The following FAM43A variants were observed in gnomAD, a reference collection of about 807,000 sequenced individuals.
FAM43A encodes family with sequence similarity 43 member A.
Under a neutral mutation model 15.7 loss-of-function variants are expected in FAM43A, and 11 were observed. The observed-to-expected ratio is 0.70, with a 90% CI of 0.44 to 1.16. FAM43A has a LOEUF of 1.16. Among genes scored for constraint, FAM43A ranks in the 50% most tolerant of loss-of-function variants. The pLI is 0.00. For synonymous variants in FAM43A, 319 were observed against 291.7 expected (o/e 1.09, Z -0.96); for missense variants, 573 against 620.0 (o/e 0.92, Z 0.80).
chr3:194,687,722 A>G lies in FAM43A; in HGVS notation c.896A>G (p.Gln299Arg). ...CCAGCAGAGGAGGAGGCCGAGGCGC[A>G]GCGTGCGCTAGTGGTCGCCATGCAC... is the stretch of plus-strand genomic sequence containing the variant. ...GDPAEEEAEA[Q>R]RALVVAMHFE... Residue 299 changes from glutamine (Q) to arginine (R), a missense_variant, in exon 1 of 1, where the codon CAG (glutamine) becomes CGG (arginine). By Grantham distance (43) the Gln-to-Arg change is conservative. Coordinates refer to ENST00000329759, the MANE Select transcript of FAM43A (RefSeq NM_153690.5). The G allele has an allele frequency of 1.9e-6, 3 of 1,559,752 alleles. No homozygotes were observed. The highest frequency in any genetic ancestry group is 2.4e-5 in the East Asian group (1 of 42,100).
chr3:194,686,686 C>A lies in FAM43A; in HGVS notation c.-141C>A. On this transcript the variant is annotated 5_prime_UTR_variant, in exon 1 of 1. Coordinates refer to ENST00000329759, the MANE Select transcript of FAM43A (RefSeq NM_153690.5). Reference sequence around the variant, plus strand: ...TCTCTCTGCTCCCCTCCCCCCAACTCCCTACCACAGGGCCGCTCCCAGTAG... The same window carrying A: ...TCTCTCTGCTCCCCTCCCCCCAACTACCTACCACAGGGCCGCTCCCAGTAG... The A allele has an allele frequency of 1.2e-6, 1 of 813,140 alleles. No homozygotes were observed. The highest frequency in any genetic ancestry group is 1.7e-6 in the Non-Finnish European group (1 of 595,778). The allele number at this position is 813,140 out of a possible 1,614,324, so 50.4% of individuals were successfully genotyped here. A position where few individuals can be genotyped will look rare whatever the true frequency, so the allele number is the denominator to read the frequency against.
At position 194,688,662 on chromosome 3, in the gene FAM43A, A is replaced by G. The variant is rs1269466546; in HGVS notation, c.*564A>G. 2.4e-5 allele frequency: 4 copies of G among 166,414 alleles called. No individual in the cohort carries two copies. Among genetic ancestry groups the G allele is most frequent in the Non-Finnish European group, 5.9e-5 (4 of 68,066 alleles). The allele number at this position is 166,414 out of a possible 1,614,324, so 10.3% of individuals were successfully genotyped here. On this transcript the variant is annotated 3_prime_UTR_variant, in exon 1 of 1. Coordinates refer to ENST00000329759, the MANE Select transcript of FAM43A (RefSeq NM_153690.5). Reference sequence around the variant, plus strand: ...CCCTGAAATGTTGCCAAATTCTTCAAATAACTGTTTGGGGGGTGGGGGGAG... The same window carrying G: ...CCCTGAAATGTTGCCAAATTCTTCAGATAACTGTTTGGGGGGTGGGGGGAG...
Position 194,685,915 on chromosome 3 carries a change from C to T in FAM43A, c.-912C>T, listed in dbSNP as rs1265428318. ...TGAGGCAGGCGAGCCGGACGCCGCT[C>T]GCAGCACCGGAGAGGGCGCACTGCA... On this transcript the variant is annotated 5_prime_UTR_variant, in exon 1 of 1. Transcript: ENST00000329759. Among the ~76,000 whole-genome samples the T allele has an allele frequency of 1.3e-5, 2 of 152,204 alleles. No individual in the cohort carries two copies. The highest frequency in any genetic ancestry group is 2.9e-5 in the Non-Finnish European group (2 of 68,034).
In FAM43A at chr3:194,688,092, G is replaced by A. The variant is rs79296405; in HGVS notation, c.1266G>A (p.Ser422=). The part of the protein sequence containing the change: ...ADGASADEPH[S]G ...GCGCCAGTGCAGACGAGCCCCACTC[G>A]GGCTGAGCTCCTCCGCGCGTCGCCG... is the stretch of plus-strand genomic sequence containing the variant. The change falls in exon 1 of 1, where the codon TCG becomes TCA. Residue 422 remains serine, a synonymous_variant. Coordinates refer to ENST00000329759, the MANE Select transcript of FAM43A (RefSeq NM_153690.5). 5.2e-6 allele frequency: 7 copies of A among 1,349,632 alleles called. No individual in the cohort carries two copies. The highest frequency in any genetic ancestry group is 5.8e-5 in the East Asian group (2 of 34,200). The allele number at this position is 1,349,632 out of a possible 1,614,324, so 83.6% of individuals were successfully genotyped here. A position where few individuals can be genotyped will look rare whatever the true frequency, so the allele number is the denominator to read the frequency against.
chr3:194,687,269 G>C lies in FAM43A; in HGVS notation c.443G>C (p.Arg148Pro), dbSNP rs1231162093. 1 of 1,590,548 alleles carries C rather than the reference G, an allele frequency of 6.3e-7. No homozygotes were observed. The highest frequency in any genetic ancestry group is 2.3e-5 in the East Asian group (1 of 44,266). ...GTCACCTACTGCGTGGCCGACGCGC[G>C]GCTGCCCAAGGTCTTCGCCTGGGTG... ...HRVTYCVADA[R>P]LPKVFAWVYR... The change falls in exon 1 of 1, where the codon CGG becomes CCG. Residue 148 changes from arginine to proline, a missense_variant. By Grantham distance (103) the Arg-to-Pro change is moderately radical. Transcript: ENST00000329759.
chr3:194,686,911 A>C lies in FAM43A; in HGVS notation c.85A>C (p.Ser29Arg), dbSNP rs1367872584. Reference protein sequence around the residue: ...QASKPKGYAVSLHYSALSSLA... With the variant: ...QASKPKGYAVRLHYSALSSLA... ...GTCCAAGCCCAAGGGCTACGCTGTG[A>C]GCCTGCACTACTCGGCGCTCAGCTC... Residue 29 changes from serine (S) to arginine (R), a missense_variant, in exon 1 of 1, where the codon AGC (serine) becomes CGC (arginine). Transcript: ENST00000329759. 1.9e-6 allele frequency: 3 copies of C among 1,610,138 alleles called. No homozygotes were observed. Among genetic ancestry groups the C allele is most frequent in the Non-Finnish European group, 2.5e-6 (3 of 1,178,432 alleles).
Position 194,688,024 on chromosome 3 carries a change from G to T in FAM43A, c.1198G>T (p.Ala400Ser). 1 of 1,419,578 alleles carries T rather than the reference G, an allele frequency of 7.0e-7. No homozygotes were observed. Among genetic ancestry groups the T allele is most frequent in the Non-Finnish European group, 9.2e-7 (1 of 1,087,722 alleles). 87.9% of individuals were successfully genotyped at this position (1,419,578 alleles called of 1,614,324 possible). A position where few individuals can be genotyped will look rare whatever the true frequency, so the allele number is the denominator to read the frequency against. Reference protein sequence around the residue: ...ESSIEGGGPDATSATAGDSSR... With the variant: ...ESSIEGGGPDSTSATAGDSSR... ...CTCCATCGAGGGCGGGGGCCCTGAC[G>T]CCACCTCCGCCACCGCCGGGGACTC... is the stretch of plus-strand genomic sequence containing the variant. Residue 400 changes from alanine to serine, a missense_variant, in exon 1 of 1, where the codon GCC (alanine) becomes TCC (serine). By Grantham distance (99) the Ala-to-Ser change is moderately conservative. Coordinates refer to ENST00000329759, the MANE Select transcript of FAM43A (RefSeq NM_153690.5).
In FAM43A at chr3:194,687,000, C is replaced by G. The variant is rs1577267626; in HGVS notation, c.174C>G (p.Arg58=). ...TGGGCAGCATGTTCCGCTCCAAGCG[C>G]AAGAAGCTGCACATCACTAGCGAGG... ...SRVGSMFRSK[R]KKLHITSEDP... is the part of the protein sequence containing the mutation. Residue 58 remains arginine, a synonymous_variant, in exon 1 of 1, where the codon CGC becomes CGG. Coordinates refer to ENST00000329759, the MANE Select transcript of FAM43A (RefSeq NM_153690.5). The G allele has an allele frequency of 6.2e-7, 1 of 1,609,530 alleles. No homozygotes were observed. The highest frequency in any genetic ancestry group is 1.1e-5 in the South Asian group (1 of 90,904).
rs1338742357 is a variant in FAM43A at position 194,686,303 on chromosome 3, T to A, written c.-524T>A. On this transcript the variant is annotated 5_prime_UTR_variant, in exon 1 of 1. Coordinates refer to ENST00000329759, the MANE Select transcript of FAM43A (RefSeq NM_153690.5). ...AGCACCGGCCCCTAGGCACACTCGC[T>A]GTAGAGTTTCCGCGGGTTTTGGCCC... 6.6e-6 allele frequency among the ~76,000 whole-genome samples: 1 copy of A among 152,164 alleles called. No homozygotes were observed. The highest frequency in any genetic ancestry group is 6.5e-5 in the Admixed American group (1 of 15,286).
Position 194,686,893 on chromosome 3 carries a change from C to T in FAM43A, c.67C>T (p.Pro23Ser), listed in dbSNP as rs750841810. 3 of 1,607,506 alleles carry T rather than the reference C, an allele frequency of 1.9e-6. No individual in the cohort carries two copies. In the African/African-American group the frequency reaches 4.0e-5, roughly 22 times the overall value. Reference protein sequence around the residue: ...AEAPPRQASKPKGYAVSLHYS... With the variant: ...AEAPPRQASKSKGYAVSLHYS... ...GGCGCCGCCGCGGCAGGCGTCCAAG[C>T]CCAAGGGCTACGCTGTGAGCCTGCA... is the stretch of plus-strand genomic sequence containing the variant. The change falls in exon 1 of 1, where the codon CCC (proline) becomes TCC (serine). Residue 23 changes from proline (P) to serine (S), a missense_variant. Pro to Ser is a moderately conservative substitution (Grantham distance 74, BLOSUM62 -1). Coordinates refer to ENST00000329759, the MANE Select transcript of FAM43A (RefSeq NM_153690.5).
chr3:194,686,882 A>G lies in FAM43A; in HGVS notation c.56A>G (p.Gln19Arg), dbSNP rs762440304. 4 of 1,598,468 alleles carry G rather than the reference A, an allele frequency of 2.5e-6. No individual in the cohort carries two copies. The South Asian group carries it at 4.5e-5, about 18-fold the overall frequency. The change falls in exon 1 of 1, where the codon CAG becomes CGG. Residue 19 changes from glutamine to arginine, a missense_variant. Physicochemically the swap from Gln to Arg is conservative, Grantham distance 43. Coordinates refer to ENST00000329759, the MANE Select transcript of FAM43A (RefSeq NM_153690.5). ...CTGCTGGCCGAGGCGCCGCCGCGGC[A>G]GGCGTCCAAGCCCAAGGGCTACGCT... ...FELLAEAPPRQASKPKGYAVS... is the reference protein window; with the variant it reads ...FELLAEAPPRRASKPKGYAVS...
At position 194,687,479 on chromosome 3, in the gene FAM43A, C is replaced by T. The variant is rs1189754878; in HGVS notation, c.653C>T (p.Ala218Val). The change falls in exon 1 of 1, where the codon GCA becomes GTA. Residue 218 changes from alanine to valine, a missense_variant. Coordinates refer to ENST00000329759, the MANE Select transcript of FAM43A (RefSeq NM_153690.5). ...ARHQQQELVG[A>V]HTIPLVPLRK... ...CACCAGCAGCAGGAGCTGGTGGGCG[C>T]ACACACCATCCCGCTAGTGCCGCTG... The T allele has an allele frequency of 6.5e-7, 1 of 1,537,246 alleles. No individual in the cohort carries two copies. Among genetic ancestry groups the T allele is most frequent in the African/African-American group, 1.4e-5 (1 of 72,908 alleles).
rs1453188493 is a variant in FAM43A, at chr3:194,686,854, G to C, written c.28G>C (p.Glu10Gln). Residue 10 changes from glutamate to glutamine, a missense_variant, in exon 1 of 1, where the codon GAG becomes CAG. Coordinates refer to ENST00000329759, the MANE Select transcript of FAM43A (RefSeq NM_153690.5). MLPWKKHKF[E>Q]LLAEAPPRQA... ...GCTGCCGTGGAAGAAGCACAAGTTC[G>C]AGCTGCTGGCCGAGGCGCCGCCGCG... The C allele has an allele frequency of 1.9e-6, 3 of 1,595,390 alleles. No individual in the cohort carries two copies. The highest frequency in any genetic ancestry group is 1.7e-6 in the Non-Finnish European group (2 of 1,175,554).
chr3:194,687,578 G>T lies in FAM43A; in HGVS notation c.752G>T (p.Gly251Val). Residue 251 changes from glycine (G) to valine (V), a missense_variant, in exon 1 of 1, where the codon GGC becomes GTC. Gly to Val is a moderately radical substitution (Grantham distance 109). Transcript: ENST00000329759. ...VERSRSAPKL[G>V]SITEDLLGEQ... ...CGCAGCCGCAGCGCGCCCAAGCTTG[G>T]CTCCATCACCGAGGACCTGCTCGGC... The T allele has an allele frequency of 6.3e-7, 1 of 1,586,856 alleles. No individual in the cohort carries two copies. Among genetic ancestry groups the T allele is most frequent in the Admixed American group, 1.8e-5 (1 of 56,578 alleles).
chr3:194,687,942 G>T lies in FAM43A; in HGVS notation c.1116G>T (p.Leu372=), dbSNP rs774451760. 1 of 1,443,250 alleles carries T rather than the reference G, an allele frequency of 6.9e-7. No individual in the cohort carries two copies. The highest frequency in any genetic ancestry group is 9.1e-7 in the Non-Finnish European group (1 of 1,097,508). The allele number at this position is 1,443,250 out of a possible 1,614,324, so 89.4% of individuals were successfully genotyped here. A position where few individuals can be genotyped will look rare whatever the true frequency, so the allele number is the denominator to read the frequency against. ...ELSFGNDVRT[L]QADLRVTRLL... ...GCTTCGGCAACGACGTGCGCACCCTGCAGGCCGACTTGCGGGTGACGCGCC... is the reference window on the plus strand; with the variant it reads ...GCTTCGGCAACGACGTGCGCACCCTTCAGGCCGACTTGCGGGTGACGCGCC... The change falls in exon 1 of 1, where the codon CTG becomes CTT. Residue 372 remains leucine, a synonymous_variant. Coordinates refer to ENST00000329759, the MANE Select transcript of FAM43A (RefSeq NM_153690.5).
chr3:194,687,423 T>C lies in FAM43A; in HGVS notation c.597T>C (p.Phe199=). 2.0e-6 allele frequency: 3 copies of C among 1,536,050 alleles called. No homozygotes were observed. Among genetic ancestry groups the C allele is most frequent in the Non-Finnish European group, 2.6e-6 (3 of 1,139,138 alleles). ...CGTCGGCCAACGCGCTGGCGGAATT[T>C]AAACGCCTCAAGCGGCGGGACGACG... ...YQTSANALAE[F]KRLKRRDDAR... Residue 199 remains phenylalanine (F), a synonymous_variant, in exon 1 of 1, where the codon TTT becomes TTC. Transcript: ENST00000329759.
rs1026261298 is a variant in FAM43A at position 194,687,348 on chromosome 3, G to A, written c.522G>A (p.Leu174=). ...TGATGCTGCGCTGCCACGCCGTGCT[G>A]GTGTCCAAGCCCGAAAAGGCGCAGG... is the stretch of plus-strand genomic sequence containing the variant. ...KAVMLRCHAV[L]VSKPEKAQAM... Residue 174 remains leucine, a synonymous_variant, in exon 1 of 1, where the codon CTG becomes CTA. Transcript: ENST00000329759. The A allele has an allele frequency of 7.1e-6, 11 of 1,542,002 alleles. No homozygotes were observed. The highest frequency in any genetic ancestry group is 1.4e-5 in the African/African-American group (1 of 73,280).
rs779514823 is a variant in FAM43A at position 194,688,944 on chromosome 3, T to C, written c.*846T>C. 1 of 165,972 alleles carries C rather than the reference T, an allele frequency of 6.0e-6. No individual in the cohort carries two copies. Among genetic ancestry groups the C allele is most frequent in the Non-Finnish European group, 1.5e-5 (1 of 68,126 alleles). The allele number at this position is 165,972 out of a possible 1,614,324, so 10.3% of individuals were successfully genotyped here. On this transcript the variant is annotated 3_prime_UTR_variant, in exon 1 of 1. Coordinates refer to ENST00000329759, the MANE Select transcript of FAM43A (RefSeq NM_153690.5). ...TTGTTCAGTTGTATATACAGAAATG[T>C]GTATAAAACATTTTGTTATTTTTTA...
rs749128083 is a variant in FAM43A, at chr3:194,686,943, G to A, written c.117G>A (p.Ala39=). The change falls in exon 1 of 1, where the codon GCG becomes GCA. Residue 39 remains alanine, a synonymous_variant. Coordinates refer to ENST00000329759, the MANE Select transcript of FAM43A (RefSeq NM_153690.5). The part of the protein sequence containing the change: ...SLHYSALSSL[A]RACPEGALSR... ...ACTACTCGGCGCTCAGCTCGCTGGC[G>A]CGGGCGTGCCCCGAAGGCGCGCTTA... The A allele has an allele frequency of 6.2e-7, 1 of 1,610,280 alleles. No individual in the cohort carries two copies. The highest frequency in any genetic ancestry group is 2.2e-5 in the East Asian group (1 of 44,762).
Sources: allele counts gnomAD v4.1 joint callset (sites outside exome capture counted in the v4.1 genomes callset), GRCh38; gene constraint gnomAD v4.1.1; transcripts MANE v1.5; gene names NCBI Gene and HGNC (gene_info 2026-07-23, HGNC 2026-07-21).